Variants in ZFPM2 observed in about 807,000 individuals in gnomAD.
The protein encoded by ZFPM2 is zinc finger protein ZFPM2.
ZFPM2 carries 20 observed loss-of-function variants against 98.6 expected under a neutral mutation model. That is an observed-to-expected ratio of 0.20 (90% CI 0.14 to 0.29). The LOEUF is 0.29. Ranked by LOEUF, ZFPM2 falls within the 10% of genes least tolerant of loss-of-function variation. The probability of loss-of-function intolerance (pLI) is 1.00; values close to 1 mark genes in which losing one functional copy is unlikely to be tolerated. For synonymous variants in ZFPM2, 518 were observed against 502.7 expected, an observed-to-expected ratio of 1.03 and a Z score of -0.41; for missense variants, 1,310 against 1,388.6, an observed-to-expected ratio of 0.94 and a Z score of 0.90.
chr8:105,514,580 C>T (rs915102655), intron 3 of ZFPM2, among the ~76,000 whole-genome samples: 1 of 152,046 alleles, frequency 6.6e-6, no homozygotes, highest in African/African-American at 2.4e-5. Context: ...CTATAAACAG[C>T]GCATTGCTTT....
intron 1 of ZFPM2, among the ~76,000 whole-genome samples, chr8:105,354,891 T>C (rs1812711781): frequency 6.6e-6 from 1 of 151,928 alleles, no homozygotes; most frequent in African/African-American, 2.4e-5. Flanking sequence ...GTGGCGGAGC[T>C]TGAAGTGAGC....
At chr8:105,331,188 C>T (rs1341029378) in intron 1 of ZFPM2, among the ~76,000 whole-genome samples, 5 of 149,370 alleles carry the variant, frequency 3.3e-5, no homozygotes, top group South Asian at 2.1e-4. Flanking sequence ...CACACACACA[C>T]ATATATATAC....
At chr8:105,703,405 C>G in intron 5 of ZFPM2, among the ~76,000 whole-genome samples, 1 of 152,226 alleles carries the variant, frequency 6.6e-6, no homozygotes, top group Non-Finnish European at 1.5e-5. Flanking sequence ...TAGTGGGACT[C>G]ACCACTTGGA....
At chr8:105,320,435 C>T (rs1327597109) in intron 1 of ZFPM2, among the ~76,000 whole-genome samples, 4 of 151,438 alleles carry the variant, frequency 2.6e-5, no homozygotes, top group African/African-American at 9.8e-5. Context: ...AATCAAGTAG[C>T]GATATCGTTT....
chr8:105,692,781 A>G (rs1309791493), intron 5 of ZFPM2, among the ~76,000 whole-genome samples: 1 of 152,236 alleles, frequency 6.6e-6, no homozygotes, highest in Admixed American at 6.5e-5. Context: ...TCAGGATGGA[A>G]GAAAATGTTT....
intron 5 of ZFPM2, among the ~76,000 whole-genome samples, chr8:105,661,927 T>C (rs1817397293): frequency 6.6e-6 from 1 of 152,014 alleles, no homozygotes; most frequent in South Asian, 2.1e-4. Context: ...AGGTTTTTAA[T>C]CTTCCACTCC....
At chr8:105,590,711 C>G (rs1232108123) in intron 4 of ZFPM2, among the ~76,000 whole-genome samples, 2 of 152,096 alleles carry the variant, frequency 1.3e-5, no homozygotes, top group Non-Finnish European at 2.9e-5. Flanking sequence ...TATGTGTATA[C>G]GTATAGACAC....
intron 3 of ZFPM2, among the ~76,000 whole-genome samples, chr8:105,450,687 CAG>C (rs1025792813): frequency 5.9e-5 from 9 of 151,730 alleles, no homozygotes; most frequent in African/African-American, 1.9e-4. Flanking sequence ...GAAAATGAGG[CAG>C]AGAGGAATGT....
chr8:105,421,941 G>C (rs996965805), intron 2 of ZFPM2, among the ~76,000 whole-genome samples: 3 of 150,992 alleles, frequency 2.0e-5, no homozygotes, highest in African/African-American at 7.3e-5. Flanking sequence ...CAGTTACTCA[G>C]GAGGCTGAGA....
chr8:105,444,178 C>G, intron 2 of ZFPM2, 102 bp from the exon 3 acceptor site: 1 of 862,962 alleles, frequency 1.2e-6, no homozygotes, highest in Non-Finnish European at 1.9e-6. Flanking sequence ...TATAACAAAC[C>G]TGTAATTAGA....
At chr8:105,466,775 A>AT (rs1187618358) in intron 3 of ZFPM2, among the ~76,000 whole-genome samples, 60 of 138,602 alleles carry the variant, frequency 4.3e-4, no homozygotes, top group Admixed American at 1.3e-3. Context: ...ATTGCCTTAC[A>AT]TTTTTTTTTT....
At chr8:105,646,251 G>A (rs1447061917) in intron 5 of ZFPM2, among the ~76,000 whole-genome samples, 1 of 152,092 alleles carries the variant, frequency 6.6e-6, no homozygotes, top group African/African-American at 2.4e-5. Flanking sequence ...CCACAGACCG[G>A]CCAGAACCAC....
At position 105,480,433 on chromosome 8, in the gene ZFPM2, A is replaced by G. The variant is rs1813091944; in HGVS notation, c.301+36052A>G. On this transcript the variant is annotated intron_variant, in intron 3 of 7. Transcript: ENST00000407775. ...TATCTAAACAATCTCAGGTATTGTC[A>G]CCAGTATCATTGTAGAGTCCAGGTG... 2.0e-5 allele frequency among the ~76,000 whole-genome samples: 3 copies of G among 152,286 alleles called. No individual in the cohort carries two copies. The East Asian group carries it at 5.8e-4, about 29-fold the overall frequency.
At chr8:105,764,318 A>G (rs1812808745) in intron 5 of ZFPM2, among the ~76,000 whole-genome samples, 1 of 151,200 alleles carries the variant, frequency 6.6e-6, no homozygotes, top group African/African-American at 2.4e-5. Context: ...ACACACACAC[A>G]CACACACATA....
intron 5 of ZFPM2, among the ~76,000 whole-genome samples, chr8:105,715,407 T>C (rs1811500844): frequency 9.0e-6 from 1 of 110,550 alleles, no homozygotes; most frequent in African/African-American, 3.6e-5. Context: ...CCCCATCTCT[T>C]GAAAAAAAAA....
intron 4 of ZFPM2, among the ~76,000 whole-genome samples, chr8:105,605,398 A>C (rs1211938086): frequency 6.6e-6 from 1 of 152,104 alleles, no homozygotes; most frequent in African/African-American, 2.4e-5. Context: ...AATATGACTT[A>C]TATCTGAATA....
intron 5 of ZFPM2, among the ~76,000 whole-genome samples, chr8:105,772,561 T>C (rs552532192): frequency 1.3e-5 from 2 of 152,274 alleles, no homozygotes; most frequent in Non-Finnish European, 2.9e-5. Context: ...CAGTTTTCTA[T>C]GTATGATAGT....
At chr8:105,419,084 A>AT in intron 1 of ZFPM2, 60 bp from the exon 2 acceptor site, 1 of 1,550,380 alleles carries the variant, frequency 6.5e-7, no homozygotes, top group Non-Finnish European at 8.7e-7. Context: ...CTATTTAAGG[A>AT]TTTTATTTCA....
chr8:105,375,709 C>T (rs1331387145), intron 1 of ZFPM2, among the ~76,000 whole-genome samples: 1 of 152,090 alleles, frequency 6.6e-6, no homozygotes, highest in African/African-American at 2.4e-5. Flanking sequence ...TATCATTTAT[C>T]AGTGTCTTTA....
Sources: allele counts gnomAD v4.1 joint callset (sites outside exome capture counted in the v4.1 genomes callset), GRCh38; gene constraint gnomAD v4.1.1; transcripts MANE v1.5; gene names NCBI Gene and HGNC (gene_info 2026-07-23, HGNC 2026-07-21).